The following MUC5B variants were observed in gnomAD, a reference collection of about 807,000 sequenced individuals.
MUC5B encodes mucin 5B, oligomeric mucus/gel-forming.
In MUC5B, 116 loss-of-function variants were observed where a neutral mutation model predicts 376.9. That is an observed-to-expected ratio of 0.31 (90% CI 0.26 to 0.36). MUC5B has a LOEUF of 0.36. Among genes scored for constraint, MUC5B ranks in the 10% least tolerant of loss-of-function variants. MUC5B has a pLI of 1.00. For synonymous variants in MUC5B, 3,517 were observed against 3,390.9 expected (o/e 1.04, Z -1.29); for missense variants, 7,165 against 7,769.9 (o/e 0.92, Z 2.93).
In MUC5B at chr11:1,247,717, C is replaced by T. The variant is rs368760835; in HGVS notation, c.10837C>T (p.Leu3613=). 6.3e-5 allele frequency: 101 copies of T among 1,599,922 alleles called. 4 individuals are homozygous for T. The highest frequency in any genetic ancestry group is 8.6e-5 in the Non-Finnish European group (101 of 1,172,748). ...CGGAGGGGCAGTCTGTGAGCAGCCC[C>T]TGGGCCTCGAGTGCCGTGCCCAGGC... ...AAGGAVCEQP[L]GLECRAQAQP... Residue 3613 remains leucine, a synonymous_variant, in exon 31 of 49, where the codon CTG becomes TTG. Transcript: ENST00000529681.
chr11:1,248,030 G>C lies in MUC5B; in HGVS notation c.11150G>C (p.Gly3717Ala), dbSNP rs1277336902. The C allele has an allele frequency of 3.1e-6, 5 of 1,606,670 alleles. No individual in the cohort carries two copies. Among genetic ancestry groups the C allele is most frequent in the Non-Finnish European group, 4.2e-6 (5 of 1,177,106 alleles). ...GSTATPSSTP[G>A]TTWILTEPST... ...ACGGCCACCCCGTCCTCCACCCCAG[G>C]GACCACCTGGATCCTCACAGAGCCG... Residue 3717 changes from glycine to alanine, a missense_variant, in exon 31 of 49, where the codon GGG becomes GCG. Physicochemically the swap from Gly to Ala is moderately conservative, Grantham distance 60. Coordinates refer to ENST00000529681, the MANE Select transcript of MUC5B (RefSeq NM_002458.3).
chr11:1,251,123 C>G lies in MUC5B; in HGVS notation c.14243C>G (p.Thr4748Ser). The G allele has an allele frequency of 6.2e-7, 1 of 1,611,410 alleles. No homozygotes were observed. Residue 4748 changes from threonine to serine, a missense_variant, in exon 31 of 49, where the codon ACC becomes AGC. By Grantham distance (58) the Thr-to-Ser change is moderately conservative (BLOSUM62 1). Around this residue, in one of 31 missense-constraint regions of MUC5B, gnomAD observed 730 missense variants for 592.7 expected, o/e 1.23. Coordinates refer to ENST00000529681, the MANE Select transcript of MUC5B (RefSeq NM_002458.3). ...LTSTATKSTA[T>S]SFTPIPSSTL... ...AGCACAGCCACAAAATCCACAGCTA[C>G]CAGCTTTACACCCATCCCCTCCTCC...
Position 1,239,810 on chromosome 11 carries a change from A to C in MUC5B, c.3595A>C (p.Lys1199Gln). The C allele has an allele frequency of 6.2e-7, 1 of 1,611,242 alleles. No homozygotes were observed. Among genetic ancestry groups the C allele is most frequent in the South Asian group, 1.1e-5 (1 of 90,550 alleles). Residue 1199 changes from lysine to glutamine, a missense_variant, in exon 28 of 49, where the codon AAG becomes CAG. Lys to Gln is a moderately conservative substitution (Grantham distance 53). Transcript: ENST00000529681. The part of the protein sequence containing the change: ...DLPGLEGCYP[K>Q]CPPSQPFFNE... ...CCTGCCGGCCCTAGGCTGCTACCCG[A>C]AGTGCCCACCCAGCCAGCCCTTCTT...
rs1466026234 is a variant in MUC5B, at chr11:1,227,214, T to G, written c.576+69T>G. 5.1e-6 allele frequency: 8 copies of G among 1,573,350 alleles called. No homozygotes were observed. In the Admixed American group the frequency reaches 1.4e-4, roughly 27 times the overall value. Reference sequence around the variant, plus strand: ...AAAACCCCCACCGGGGGTCGAGGGATGCCTCCCTGGGCTTGGGGTCACGGG... The same window carrying G: ...AAAACCCCCACCGGGGGTCGAGGGAGGCCTCCCTGGGCTTGGGGTCACGGG... On this transcript the variant is annotated intron_variant, in intron 5 of 48. Coordinates refer to ENST00000529681, the MANE Select transcript of MUC5B (RefSeq NM_002458.3).
Position 1,256,780 on chromosome 11 carries a change from C to T in MUC5B, c.16237+9C>T, listed in dbSNP as rs374538951. 151 of 1,523,188 alleles carry T rather than the reference C, an allele frequency of 9.9e-5. No homozygotes were observed. Among genetic ancestry groups the T allele is most frequent in the Middle Eastern group, 3.5e-4 (2 of 5,790 alleles). 94.4% of individuals were successfully genotyped at this position (1,523,188 alleles called of 1,614,324 possible). A position where few individuals can be genotyped will look rare whatever the true frequency, so the allele number is the denominator to read the frequency against. Reference sequence around the variant, plus strand: ...CTGCGTGCAGGCCTGCCGTAAGCTCCGCCACCTGTGGCGGGATACGACCCT... The same window carrying T: ...CTGCGTGCAGGCCTGCCGTAAGCTCTGCCACCTGTGGCGGGATACGACCCT... On this transcript the variant is annotated intron_variant, in intron 39 of 48. Transcript: ENST00000529681.
Position 1,236,389 on chromosome 11 carries a change from T to A in MUC5B, c.2884T>A (p.Tyr962Asn), listed in dbSNP as rs1315400651. The A allele has an allele frequency of 6.2e-7, 1 of 1,608,612 alleles. No individual in the cohort carries two copies. The highest frequency in any genetic ancestry group is 1.1e-5 in the South Asian group (1 of 90,850). Residue 962 changes from tyrosine to asparagine, a missense_variant, in exon 24 of 49, where the codon TAC (tyrosine) becomes AAC (asparagine). Transcript: ENST00000529681. ...GCAGCGTCTGCCTCCCCTGCAGAGC[T>A]ACGAGCTGATCCTCCAAGAGGGGAC... ...SKAIKLFVES[Y>N]ELILQEGTFK...
intron 1 of MUC5B, among the ~76,000 whole-genome samples, chr11:1,224,609 G>A (rs1401995424): frequency 6.6e-6 from 1 of 151,538 alleles, no homozygotes; most frequent in Admixed American, 6.6e-5. Flanking sequence ...GGCTGCCTGC[G>A]GCGGGAGCCG....
Position 1,253,962 on chromosome 11 carries a change from C to T in MUC5B, c.15218-130C>T. The T allele has an allele frequency of 7.7e-7, 1 of 1,293,472 alleles. No individual in the cohort carries two copies. Among genetic ancestry groups the T allele is most frequent in the East Asian group, 2.5e-5 (1 of 39,452 alleles). 80.1% of individuals were successfully genotyped at this position (1,293,472 alleles called of 1,614,324 possible). A position where few individuals can be genotyped will look rare whatever the true frequency, so the allele number is the denominator to read the frequency against. ...ACTGGACCCATTTTTATAGACGAGGCAGCTGAGGCCCCAGGGGCTTCAGTG... is the reference window on the plus strand; with the variant it reads ...ACTGGACCCATTTTTATAGACGAGGTAGCTGAGGCCCCAGGGGCTTCAGTG... On this transcript the variant is annotated intron_variant, in intron 33 of 48. Coordinates refer to ENST00000529681, the MANE Select transcript of MUC5B (RefSeq NM_002458.3). The surrounding 1 kb of genome is among the most constrained non-coding windows in gnomAD (Gnocchi z 4.3).
chr11:1,240,923 G>T lies in MUC5B; in HGVS notation c.4043G>T (p.Arg1348Leu), dbSNP rs199966704. 1 of 1,613,036 alleles carries T rather than the reference G, an allele frequency of 6.2e-7. No individual in the cohort carries two copies. Among genetic ancestry groups the T allele is most frequent in the Non-Finnish European group, 8.5e-7 (1 of 1,179,846 alleles). ...CRWSSWYNGH[R>L]PEPGLGGGDF... The stretch of plus-strand genomic sequence containing the variant: ...TGGTCCAGCTGGTACAATGGGCACC[G>T]CCCAGAGCCCGGCCTGGGAGGCGGA... The change falls in exon 31 of 49, where the codon CGC (arginine) becomes CTC (leucine). Residue 1348 changes from arginine (R) to leucine (L), a missense_variant. Arg to Leu is a moderately radical substitution (Grantham distance 102, BLOSUM62 -2). Around this residue, in one of 31 missense-constraint regions of MUC5B, gnomAD observed 517 missense variants for 545.3 expected, o/e 0.95. Transcript: ENST00000529681.
At position 1,252,910 on chromosome 11, in the gene MUC5B, C is replaced by T. The variant is rs375803330; in HGVS notation, c.15147C>T (p.Cys5049=). Residue 5049 remains cysteine (C), a synonymous_variant, in exon 33 of 49, where the codon TGC becomes TGT. Transcript: ENST00000529681. ...CAAAGCCTGTGGCCAACGTCACCTG[C>T]GTGAACAAGCACCTGCCCATCAAAG... ...LDPKPVANVT[C]VNKHLPIKVS... The T allele has an allele frequency of 2.3e-5, 37 of 1,612,554 alleles. No individual in the cohort carries two copies. The highest frequency in any genetic ancestry group is 1.6e-4 in the Middle Eastern group (1 of 6,082).
intron 48 of MUC5B, among the ~76,000 whole-genome samples, 167 bp from the exon 49 acceptor site, chr11:1,261,222 G>GC (rs991569372): frequency 6.6e-6 from 1 of 152,212 alleles, no homozygotes; most frequent in Admixed American, 6.5e-5. Flanking sequence ...GCCCAGAGCT[G>GC]CCCCATCCTG....
rs547995703 is a variant in MUC5B, at chr11:1,257,194, C to T, written c.16238-46C>T. 1.3e-6 allele frequency: 1 copy of T among 779,400 alleles called. No homozygotes were observed. Among genetic ancestry groups the T allele is most frequent in the Non-Finnish European group, 2.4e-6 (1 of 417,886 alleles). The allele number at this position is 779,400 out of a possible 1,614,324, so 48.3% of individuals were successfully genotyped here. A position where few individuals can be genotyped will look rare whatever the true frequency, so the allele number is the denominator to read the frequency against. ...CTCCCATGGCCAGAGGCCCCTCCGC[C>T]TGCAAACTCAGCACCCTCCGTGATG... is the stretch of plus-strand genomic sequence containing the variant. On this transcript the variant is annotated intron_variant, in intron 39 of 48. Transcript: ENST00000529681. The surrounding 1 kb of genome is among the most constrained non-coding windows in gnomAD (Gnocchi z 8.9).
chr11:1,230,869 C>T, intron 12 of MUC5B, 67 bp from the exon 13 acceptor site: 1 of 1,533,006 alleles, frequency 6.5e-7, no homozygotes, highest in Non-Finnish European at 8.8e-7. Context: ...GGCAGGCCAC[C>T]CCCTCATTTG....
Position 1,249,510 on chromosome 11 carries a change from C to A in MUC5B, c.12630C>A (p.Phe4210Leu), listed in dbSNP as rs1213923290. 5.6e-6 allele frequency: 9 copies of A among 1,611,788 alleles called. 1 individual carries two copies. The South Asian group carries it at 8.8e-5, about 16-fold the overall frequency. The change falls in exon 31 of 49, where the codon TTC becomes TTA. Residue 4210 changes from phenylalanine (F) to leucine (L), a missense_variant. This residue lies in a region of MUC5B where 38 missense variants were observed against 72.5 expected (regional missense o/e 0.52). Transcript: ENST00000529681. ...GGAACCGTGAGCAGGTGGGGAAGTT[C>A]AAGATGTGCTTCAACTATGAAATCC... ...VCRNREQVGKFKMCFNYEIRV... is the reference protein window; with the variant it reads ...VCRNREQVGKLKMCFNYEIRV...
Position 1,246,854 on chromosome 11 carries a change from G to A in MUC5B, c.9974G>A (p.Gly3325Glu), listed in dbSNP as rs775294208. 1 of 1,610,036 alleles carries A rather than the reference G, an allele frequency of 6.2e-7. No individual in the cohort carries two copies. Among genetic ancestry groups the A allele is most frequent in the East Asian group, 2.2e-5 (1 of 44,836 alleles). ...ACAGCCACCCCCTCCTCCAGCCCAG[G>A]GACGGCACTCACGCCTCCAGTGTGG... Reference protein sequence around the residue: ...GFTATPSSSPGTALTPPVWIS... With the variant: ...GFTATPSSSPETALTPPVWIS... The change falls in exon 31 of 49, where the codon GGG becomes GAG. Residue 3325 changes from glycine to glutamate, a missense_variant. Physicochemically the swap from Gly to Glu is moderately conservative, Grantham distance 98 (BLOSUM62 -2). Coordinates refer to ENST00000529681, the MANE Select transcript of MUC5B (RefSeq NM_002458.3).
At position 1,246,809 on chromosome 11, in the gene MUC5B, C is replaced by T. The variant is rs199754770; in HGVS notation, c.9929C>T (p.Thr3310Ile). ...PGTAHTTKVP[T>I]TTTTGFTATP... ...ACAGCTCACACTACCAAAGTGCCGACTACCACAACCACGGGCTTCACAGCC... is the reference window on the plus strand; with the variant it reads ...ACAGCTCACACTACCAAAGTGCCGATTACCACAACCACGGGCTTCACAGCC... Residue 3310 changes from threonine to isoleucine, a missense_variant, in exon 31 of 49, where the codon ACT becomes ATT. Physicochemically the swap from Thr to Ile is moderately conservative, Grantham distance 89 (BLOSUM62 -1). This residue lies in a region of MUC5B where 939 missense variants were observed against 770.6 expected (regional missense o/e 1.22). Transcript: ENST00000529681. 1 of 1,597,228 alleles carries T rather than the reference C, an allele frequency of 6.3e-7. No individual in the cohort carries two copies. Among genetic ancestry groups the T allele is most frequent in the Non-Finnish European group, 8.6e-7 (1 of 1,167,756 alleles).
chr11:1,260,840 G>C lies in MUC5B; in HGVS notation c.17069+112G>C, dbSNP rs11825720. ...GTCAGGAGGGCCTACGCCAGCTCCAGGAAGGAGGGAAGGGGCTCCCCAGCA... is the reference window on the plus strand; with the variant it reads ...GTCAGGAGGGCCTACGCCAGCTCCACGAAGGAGGGAAGGGGCTCCCCAGCA... On this transcript the variant is annotated intron_variant, in intron 48 of 48. Transcript: ENST00000529681. 7.8e-3 allele frequency: 5,794 copies of C among 743,360 alleles called. 226 individuals are homozygous for C. In the African/African-American group the frequency reaches 0.09, roughly 12 times the overall value. 46.0% of individuals were successfully genotyped at this position (743,360 alleles called of 1,614,324 possible). A position where few individuals can be genotyped will look rare whatever the true frequency, so the allele number is the denominator to read the frequency against.
chr11:1,240,903 C>T lies in MUC5B; in HGVS notation c.4023C>T (p.Ser1341=), dbSNP rs1862266158. Residue 1341 remains serine (S), a synonymous_variant, in exon 31 of 49, where the codon TCC becomes TCT. Coordinates refer to ENST00000529681, the MANE Select transcript of MUC5B (RefSeq NM_002458.3). ...GTGTCCGCGAGGTCTGCCGCTGGTC[C>T]AGCTGGTACAATGGGCACCGCCCAG... is the stretch of plus-strand genomic sequence containing the variant. ...TVCVREVCRW[S]SWYNGHRPEP... is the part of the protein sequence containing the mutation. 6.2e-7 allele frequency: 1 copy of T among 1,612,748 alleles called. No homozygotes were observed. The highest frequency in any genetic ancestry group is 8.5e-7 in the Non-Finnish European group (1 of 1,179,814).
chr11:1,250,850 C>T lies in MUC5B; in HGVS notation c.13970C>T (p.Thr4657Ile). 6.2e-7 allele frequency: 1 copy of T among 1,609,018 alleles called. No homozygotes were observed. The highest frequency in any genetic ancestry group is 8.5e-7 in the Non-Finnish European group (1 of 1,177,644). ...GCCAGAGTGCTGACCACCACCACCA[C>T]AACTGTGGCCACTGGTTCTATGGCA... ...HTARVLTTTT[T>I]TVATGSMATP... Residue 4657 changes from threonine to isoleucine, a missense_variant, in exon 31 of 49, where the codon ACA becomes ATA. By Grantham distance (89) the Thr-to-Ile change is moderately conservative (BLOSUM62 -1). Transcript: ENST00000529681.
Sources: gnomAD v4.1 joint callset for allele counts (sites outside exome capture counted in the v4.1 genomes callset) on GRCh38, gnomAD v4.1.1 for gene constraint, gnomAD v4.1.1 regional missense constraint, Gnocchi (gnomAD v3.1) non-coding constraint, MANE v1.5 for transcripts, NCBI Gene and HGNC (gene_info 2026-07-23, HGNC 2026-07-21) for gene names.